CHIC1: variants seen among roughly 807,000 people sequenced by gnomAD.
CHIC1 encodes cysteine-rich hydrophobic domain-containing protein 1.
A neutral mutation model predicts 18.5 loss-of-function variants in CHIC1; 7 were observed. The ratio of observed to expected loss-of-function variants is 0.38; its 90% CI spans 0.22 to 0.71. CHIC1 has a LOEUF of 0.71. Among genes scored for constraint, CHIC1 ranks in the 30% least tolerant of loss-of-function variants. CHIC1 has a pLI of 0.49. For synonymous variants in CHIC1, 77 were observed against 73.5 expected, an observed-to-expected ratio of 1.05 and a Z score of -0.25; for missense variants, 159 against 176.9, an observed-to-expected ratio of 0.90 and a Z score of 0.57.
chrX:73,593,128 G>A (rs2057590223), intron 3 of CHIC1, among the ~76,000 whole-genome samples: 2 of 111,062 alleles, frequency 1.8e-5, no homozygotes, highest in Non-Finnish European at 3.8e-5. Flanking sequence ...TCAATCTACA[G>A]ATCTTGTTTA....
chrX:73,564,850 G>A lies in CHIC1; in HGVS notation c.296+1270G>A, dbSNP rs752801248. On this transcript the variant is annotated intron_variant, in intron 1 of 5. Transcript: ENST00000373502. ...CTCACTCTTTTGCCCAGGCTGGAGT[G>A]CAGTGGCGCAATCTTGGCTCACTGC... 2.0e-4 allele frequency among the ~76,000 whole-genome samples: 18 copies of A among 90,608 alleles called. No individual in the cohort carries two copies. The Admixed American group carries it at 2.2e-3, about 11-fold the overall frequency. The allele number at this position is 90,608 out of a possible 115,157, so 78.7% of individuals were successfully genotyped here. A position where few individuals can be genotyped will look rare whatever the true frequency, so the allele number is the denominator to read the frequency against.
chrX:73,654,714 TA>T (rs765601190), intron 3 of CHIC1, among the ~76,000 whole-genome samples: 233 of 112,009 alleles, frequency 2.1e-3, no homozygotes, highest in Non-Finnish European at 3.3e-3. Context: ...CATTTCACAT[TA>T]TTGGTCTGTT....
At chrX:73,671,956 T>C (rs1410028812) in intron 3 of CHIC1, among the ~76,000 whole-genome samples, 1 of 110,825 alleles carries the variant, frequency 9.0e-6, no homozygotes, top group Admixed American at 9.6e-5. Context: ...TGTGTGATGT[T>C]CCCCTTCCTA....
Position 73,584,474 on chromosome X carries a change from G to T in CHIC1, c.409G>T (p.Ala137Ser). ...CCGTGTGAATGCATGTTTGAAAAAG[G>T]CTCTCCCGGTCAATGTGAAATGGCT... ...IGRVNACLKK[A>S]LPVNVKWLLC... Residue 137 changes from alanine to serine, a missense_variant, in exon 3 of 6, where the codon GCT (alanine) becomes TCT (serine). Physicochemically the swap from Ala to Ser is moderately conservative, Grantham distance 99. Transcript: ENST00000373502. 1.7e-6 allele frequency: 2 copies of T among 1,176,818 alleles called. No homozygotes were observed. The highest frequency in any genetic ancestry group is 3.8e-5 in the South Asian group (2 of 52,995).
At chrX:73,661,133 G>A (rs1235262238) in intron 3 of CHIC1, among the ~76,000 whole-genome samples, 1 of 111,976 alleles carries the variant, frequency 8.9e-6, no homozygotes, top group Non-Finnish European at 1.9e-5. Context: ...GAAATTGTGA[G>A]CTGGCATAAG....
At chrX:73,622,940 A>T (rs1361176975) in intron 3 of CHIC1, among the ~76,000 whole-genome samples, 1 of 111,814 alleles carries the variant, frequency 8.9e-6, no homozygotes, top group Non-Finnish European at 1.9e-5. Context: ...TAATTTCGTT[A>T]TTTACCCAGT....
intron 3 of CHIC1, among the ~76,000 whole-genome samples, chrX:73,654,967 G>T (rs2057934899): frequency 9.0e-6 from 1 of 110,630 alleles, no homozygotes. Context: ...AGGTAAATGT[G>T]TGCCATGATG....
intron 3 of CHIC1, among the ~76,000 whole-genome samples, chrX:73,675,722 C>T (rs932983501): frequency 1.4e-4 from 16 of 111,320 alleles, no homozygotes; most frequent in African/African-American, 5.2e-4. Context: ...GAGCATTTAG[C>T]CCGTTTACAT....
rs777256740 is a variant in CHIC1, at chrX:73,638,112, G to A, written c.508-41214G>A. Among the ~76,000 whole-genome samples the A allele has an allele frequency of 3.7e-3, 419 of 111,814 alleles. 3 individuals carry two copies. The highest frequency in any genetic ancestry group is 6.1e-3 in the Non-Finnish European group (323 of 53,078). On this transcript the variant is annotated intron_variant, in intron 3 of 5. Transcript: ENST00000373502. The stretch of plus-strand genomic sequence containing the variant: ...GTATGCATCTTGCCTGGGCCTGTGT[G>A]TGGCTTTCTCAATTCCCCGTATACA...
chrX:73,671,438 G>T (rs929474542), intron 3 of CHIC1, among the ~76,000 whole-genome samples: 3 of 111,790 alleles, frequency 2.7e-5, no homozygotes, highest in East Asian at 5.6e-4. Flanking sequence ...TTTGCTTGAT[G>T]GTGTCACAAA....
At chrX:73,650,716 AAAAG>A (rs1390878685) in intron 3 of CHIC1, among the ~76,000 whole-genome samples, 4 of 109,021 alleles carry the variant, frequency 3.7e-5, no homozygotes, top group African/African-American at 1.3e-4. Context: ...AAAAAAAAAA[AAAAG>A]CCCAGAAGCA....
At chrX:73,613,956 T>C (rs7889788) in intron 3 of CHIC1, among the ~76,000 whole-genome samples, 5,230 of 111,139 alleles carry the variant, frequency 0.047, 320 homozygotes, top group African/African-American at 0.16. Context: ...TTTGCTTTAC[T>C]GGTAGATGTT....
chrX:73,563,248 T>C lies in CHIC1; in HGVS notation c.-37T>C. On this transcript the variant is annotated 5_prime_UTR_variant, in exon 1 of 6. Transcript: ENST00000373502. The stretch of plus-strand genomic sequence containing the variant: ...GCAGCACCTCGGCAGGTTCAAACTC[T>C]TCTCCGGGAGCGTGGCGGCGATCGC... The C allele has an allele frequency of 9.2e-7, 1 of 1,086,334 alleles. No individual in the cohort carries two copies. The highest frequency in any genetic ancestry group is 2.5e-5 in the South Asian group (1 of 40,632). 89.5% of individuals were successfully genotyped at this position (1,086,334 alleles called of 1,213,427 possible). A position where few individuals can be genotyped will look rare whatever the true frequency, so the allele number is the denominator to read the frequency against.
Position 73,596,604 on chromosome X carries a change from A to G in CHIC1, c.507+12032A>G, listed in dbSNP as rs184909555. Among the ~76,000 whole-genome samples the G allele has an allele frequency of 2.0e-3, 228 of 111,602 alleles. 1 individual carries two copies. Among genetic ancestry groups the G allele is most frequent in the African/African-American group, 6.9e-3 (213 of 30,730 alleles). The stretch of plus-strand genomic sequence containing the variant: ...AAGGAAAAAGAACAAAGCTGGAGGC[A>G]TCACACTATCTGACTTCAAACTATA... On this transcript the variant is annotated intron_variant, in intron 3 of 5. Transcript: ENST00000373502.
intron 3 of CHIC1, among the ~76,000 whole-genome samples, chrX:73,663,252 T>C (rs1320023431): frequency 9.0e-6 from 1 of 111,173 alleles, no homozygotes; most frequent in Non-Finnish European, 1.9e-5. Flanking sequence ...GCTTTTTGAT[T>C]GTTCTATGTG....
At chrX:73,620,141 T>TCAAAACCATCAGATAACATAA (rs2057753214) in intron 3 of CHIC1, among the ~76,000 whole-genome samples, 1 of 112,354 alleles carries the variant, frequency 8.9e-6, no homozygotes, top group Non-Finnish European at 1.9e-5. Flanking sequence ...GTCTTTGCTA[T>TCAAAACCATCAGATAACATAA]TGTGAACAGT....
intron 2 of CHIC1, among the ~76,000 whole-genome samples, chrX:73,581,875 A>AAAATTTGCAT (rs1407963461): frequency 1.8e-5 from 2 of 110,975 alleles, no homozygotes; most frequent in Non-Finnish European, 3.8e-5. Context: ...AGAAGCATAT[A>AAAATTTGCAT]ATAAAAGGCA....
At chrX:73,600,343 T>A (rs1350490871) in intron 3 of CHIC1, among the ~76,000 whole-genome samples, 1 of 96,803 alleles carries the variant, frequency 1.0e-5, no homozygotes, top group African/African-American at 4.2e-5. Flanking sequence ...CCTGCCTGAT[T>A]GCCCTGGCCA....
rs949324561 is a variant in CHIC1, at chrX:73,685,814, T to C, written c.*4809T>C. Reference sequence around the variant, plus strand: ...GACTATTGCACTTGGTCTATTGTTTTAATAGTAAATTTTGTTATTAATCTC... The same window carrying C: ...GACTATTGCACTTGGTCTATTGTTTCAATAGTAAATTTTGTTATTAATCTC... On this transcript the variant is annotated 3_prime_UTR_variant, in exon 6 of 6. Transcript: ENST00000373502. 8.9e-6 allele frequency: 1 copy of C among 111,791 alleles called. No individual in the cohort carries two copies. The highest frequency in any genetic ancestry group is 3.2e-5 in the African/African-American group (1 of 30,932). 9.2% of individuals were successfully genotyped at this position (111,791 alleles called of 1,213,427 possible).
Sources: allele counts gnomAD v4.1 joint callset (sites outside exome capture counted in the v4.1 genomes callset), GRCh38; gene constraint gnomAD v4.1.1; transcripts MANE v1.5; gene names NCBI Gene and HGNC (gene_info 2026-07-23, HGNC 2026-07-21).